The following TIAM2 variants were observed in gnomAD, a reference collection of about 807,000 sequenced individuals.
TIAM2 encodes the protein TIAM Rac1 associated GEF 2, also known as rho guanine nucleotide exchange factor TIAM2.
In TIAM2, 80 loss-of-function variants were observed where a neutral mutation model predicts 152.9. That is an observed-to-expected ratio of 0.52 (90% CI 0.44 to 0.63). The LOEUF (loss-of-function observed/expected upper bound fraction) is 0.63, where lower values mean the gene tolerates loss of function less well. Ranked by LOEUF, TIAM2 falls within the 30% of genes least tolerant of loss-of-function variation. The pLI, the probability that TIAM2 is intolerant of heterozygous loss-of-function variation, is 0.00. For missense variants in TIAM2, 1,965 were observed against 2,120.1 expected, an observed-to-expected ratio of 0.93 and a Z score of 1.44; for synonymous variants, 804 against 838.0, an observed-to-expected ratio of 0.96 and a Z score of 0.70.
chr6:155,240,771 GCA>G (rs1282387845), intron 16 of TIAM2, 62 bp downstream of exon 16: 18 of 1,536,156 alleles, frequency 1.2e-5, no homozygotes. Flanking sequence ...TGGTATGCTG[GCA>G]GAGGTCCCCA....
chr6:155,017,957 TGA>T (rs979855700), intron 1 of TIAM2, among the ~76,000 whole-genome samples: 1 of 152,214 alleles, frequency 6.6e-6, no homozygotes, highest in African/African-American at 2.4e-5. Flanking sequence ...AGGTGTGCTG[TGA>T]GTGTAACATA....
At chr6:155,006,437 G>A (rs1225944079) in intron 1 of TIAM2, among the ~76,000 whole-genome samples, 1 of 151,704 alleles carries the variant, frequency 6.6e-6, no homozygotes, top group Non-Finnish European at 1.5e-5. Context: ...GGGAGGCTGA[G>A]GTGGGTGGAT....
At chr6:155,152,005 C>T (rs1030508395) in intron 7 of TIAM2, among the ~76,000 whole-genome samples, 11 of 151,758 alleles carry the variant, frequency 7.2e-5, no homozygotes, top group South Asian at 2.1e-4. Flanking sequence ...CCACCACGCC[C>T]GGCTAATTTT....
In TIAM2 at chr6:155,183,418, C is replaced by A. The variant is rs374994973; in HGVS notation, c.2982C>A (p.Asp994Glu). 3.1e-6 allele frequency: 5 copies of A among 1,614,036 alleles called. No individual in the cohort carries two copies. Among genetic ancestry groups the A allele is most frequent in the East Asian group, 4.5e-5 (2 of 44,896 alleles). ...CAGACAGTGACCTGTTCTCCAGGGA[C>A]CAGAAGAGTCTGCTGCCCCCTCCTA... Reference protein sequence around the residue: ...SWSDSDLFSRDQKSLLPPPNQ... With the variant: ...SWSDSDLFSREQKSLLPPPNQ... Residue 994 changes from aspartate to glutamate, a missense_variant, in exon 14 of 27, where the codon GAC (aspartate) becomes GAA (glutamate). By Grantham distance (45) the Asp-to-Glu change is conservative. Around this residue, in one of 3 missense-constraint regions of TIAM2, gnomAD observed 935 missense variants for 980.0 expected, o/e 0.95. Coordinates refer to ENST00000682666, the MANE Select transcript of TIAM2 (RefSeq NM_012454.4).
intron 14 of TIAM2, among the ~76,000 whole-genome samples, chr6:155,208,196 T>C (rs953467909): frequency 2.0e-5 from 3 of 152,214 alleles, no homozygotes; most frequent in Non-Finnish European, 4.4e-5. Context: ...AAATACCAAG[T>C]CTTCTTATTT....
rs1398330013 is a variant in TIAM2, at chr6:155,074,209, AT to A, written c.-208-16076del. ...AAGAAAATTCCTAACGACAAACTTA[AT>A]TTTGACTTCCTCTCCATATCAGAGT... On this transcript the variant is annotated intron_variant, in intron 1 of 26. Transcript: ENST00000682666. Among the ~76,000 whole-genome samples the A allele has an allele frequency of 2.6e-5, 4 of 152,124 alleles. No individual in the cohort carries two copies. In the South Asian group the frequency reaches 8.3e-4, roughly 32 times the overall value.
intron 1 of TIAM2, among the ~76,000 whole-genome samples, chr6:155,000,529 CAAAAAAAAAAA>C (rs58867200): frequency 1.0e-5 from 1 of 97,746 alleles, no homozygotes; most frequent in Non-Finnish European, 1.9e-5. Flanking sequence ...GAAACTGTTG[CAAAAAAAAAAA>C]AAAAAAAAGC....
At chr6:155,165,894 C>A (rs74495160) in intron 9 of TIAM2, among the ~76,000 whole-genome samples, 15,537 of 152,024 alleles carry the variant, frequency 0.1, 882 homozygotes, top group Middle Eastern at 0.16. Flanking sequence ...TATCCCGGCA[C>A]CCCTGAAGAG....
intron 1 of TIAM2, among the ~76,000 whole-genome samples, chr6:155,056,518 T>C (rs1777456451): frequency 6.6e-6 from 1 of 151,344 alleles, no homozygotes; most frequent in South Asian, 2.1e-4. Context: ...ATTTTTTTGC[T>C]CACACCTGCT....
At chr6:155,185,146 T>TG (rs1781008683) in intron 14 of TIAM2, among the ~76,000 whole-genome samples, 1 of 141,854 alleles carries the variant, frequency 7.0e-6, no homozygotes, top group Non-Finnish European at 1.5e-5. Flanking sequence ...TTTTTTTTTT[T>TG]GAGACAGTCT....
chr6:155,058,302 A>T (rs965210486), intron 1 of TIAM2, among the ~76,000 whole-genome samples: 1 of 152,190 alleles, frequency 6.6e-6, no homozygotes, highest in African/African-American at 2.4e-5. Context: ...TCTCAGGCCA[A>T]TTAAATCAGA....
chr6:155,040,761 C>T lies in TIAM2; in HGVS notation c.-209+45269C>T, dbSNP rs1479257170. On this transcript the variant is annotated intron_variant, in intron 1 of 26. Transcript: ENST00000682666. ...CTCAAACTCCTGCCCTCTGGTGATCCACCCGCCTTGGCCTCCCAAAGTGCT... is the reference window on the plus strand; with the variant it reads ...CTCAAACTCCTGCCCTCTGGTGATCTACCCGCCTTGGCCTCCCAAAGTGCT... 5.3e-5 allele frequency among the ~76,000 whole-genome samples: 8 copies of T among 152,280 alleles called. No homozygotes were observed. The South Asian group carries it at 1.5e-3, about 28-fold the overall frequency.
At chr6:155,160,707 G>A (rs970012951) in intron 7 of TIAM2, among the ~76,000 whole-genome samples, 2 of 152,124 alleles carry the variant, frequency 1.3e-5, no homozygotes, top group Non-Finnish European at 2.9e-5. Context: ...GTTGCAGTGA[G>A]CCAACAATGT....
intron 26 of TIAM2, chr6:155,256,037 T>C: frequency 5.1e-6 from 1 of 196,042 alleles, no homozygotes; most frequent in Non-Finnish European, 1.0e-5. Flanking sequence ...GGAGGGGCAT[T>C]TTCTACTTTT....
At chr6:155,030,063 G>A (rs1776794923) in intron 1 of TIAM2, among the ~76,000 whole-genome samples, 1 of 152,176 alleles carries the variant, frequency 6.6e-6, no homozygotes, top group African/African-American at 2.4e-5. Flanking sequence ...AGAGTGCTGG[G>A]ATTACAGGTG....
At position 155,147,147 on chromosome 6, in the gene TIAM2, C is replaced by T. The variant is rs527637299; in HGVS notation, c.1804-963C>T. On this transcript the variant is annotated intron_variant, in intron 6 of 26. Transcript: ENST00000682666. ...CAAAGACAATAGCATTATTTTGTTT[C>T]CCCCCAATATACTTTTATTTACATT... 5.2e-3 allele frequency among the ~76,000 whole-genome samples: 774 copies of T among 149,546 alleles called. 12 individuals carry two copies. Among genetic ancestry groups the T allele is most frequent in the African/African-American group, 0.018 (748 of 40,734 alleles).
chr6:155,083,304 G>A (rs186245858), intron 1 of TIAM2, among the ~76,000 whole-genome samples: 17 of 148,822 alleles, frequency 1.1e-4, no homozygotes, highest in Middle Eastern at 6.9e-3. Context: ...AGCCAAGATC[G>A]TGCCAGTGCA....
chr6:155,214,007 C>T lies in TIAM2; in HGVS notation c.3168+2700C>T, dbSNP rs1446865373. 6.6e-6 allele frequency among the ~76,000 whole-genome samples: 1 copy of T among 152,212 alleles called. No individual in the cohort carries two copies. The highest frequency in any genetic ancestry group is 2.1e-4 in the South Asian group (1 of 4,830). Reference sequence around the variant, plus strand: ...GAGAGTGCAGAGATGTCTGGGTCCACAGTCGCGGCTACGTGGCTGCAGCAG... The same window carrying T: ...GAGAGTGCAGAGATGTCTGGGTCCATAGTCGCGGCTACGTGGCTGCAGCAG... On this transcript the variant is annotated intron_variant, in intron 15 of 26. Coordinates refer to ENST00000682666, the MANE Select transcript of TIAM2 (RefSeq NM_012454.4). The surrounding 1 kb of genome is among the most constrained non-coding windows in gnomAD (Gnocchi z 5.4).
intron 1 of TIAM2, among the ~76,000 whole-genome samples, chr6:155,073,272 T>C (rs1396912177): frequency 1.3e-5 from 2 of 151,368 alleles, no homozygotes; most frequent in East Asian, 1.9e-4. Context: ...AAGCGATTCT[T>C]GTGCCTCAGC....
Sources: allele counts gnomAD v4.1 joint callset (sites outside exome capture counted in the v4.1 genomes callset), GRCh38; gene constraint gnomAD v4.1.1; regional missense constraint gnomAD v4.1.1; non-coding constraint Gnocchi (gnomAD v3.1); transcripts MANE v1.5; gene names NCBI Gene and HGNC (gene_info 2026-07-23, HGNC 2026-07-21).